Variants in RASSF3 observed in about 807,000 individuals in gnomAD.
RASSF3 encodes Ras association domain family member 3, also known as ras association domain-containing protein 3.
Under a neutral mutation model 19.9 loss-of-function variants are expected in RASSF3, and 19 were observed. The observed-to-expected ratio is 0.96, with a 90% confidence interval of 0.67 to 1.40. The LOEUF is 1.40. RASSF3 is among the 40% of genes most tolerant of loss of function. The pLI, the probability that RASSF3 is intolerant of heterozygous loss-of-function variation, is 0.00. For synonymous variants in RASSF3, 110 were observed against 104.2 expected, an observed-to-expected ratio of 1.06 and a Z score of -0.34; for missense variants, 306 against 289.8, an observed-to-expected ratio of 1.06 and a Z score of -0.41.
At chr12:64,638,604 G>A (rs1412100180) in intron 1 of RASSF3, among the ~76,000 whole-genome samples, 2 of 149,894 alleles carry the variant, frequency 1.3e-5, no homozygotes, top group African/African-American at 4.9e-5. Context: ...AAAGTAATAT[G>A]AATACCTTTT....
At chr12:64,583,646 A>G (rs967282435) in intron 2 of RASSF3, among the ~76,000 whole-genome samples, 8 of 152,136 alleles carry the variant, frequency 5.3e-5, no homozygotes, top group Non-Finnish European at 1.2e-4. Context: ...ACAAAACACC[A>G]GCGTTTCAGT....
At chr12:64,681,880 C>T (rs1480720721) in intron 1 of RASSF3, among the ~76,000 whole-genome samples, 1 of 152,152 alleles carries the variant, frequency 6.6e-6, no homozygotes, top group Admixed American at 6.6e-5. Context: ...TGGTGCTTGT[C>T]TGTAGTCCCA....
At chr12:64,615,334 C>G (rs1870516427) in intron 1 of RASSF3, among the ~76,000 whole-genome samples, 1 of 152,142 alleles carries the variant, frequency 6.6e-6, no homozygotes, top group South Asian at 2.1e-4. Flanking sequence ...GGAAATGAGA[C>G]AGTATTTTTG....
At chr12:64,527,186 A>C (rs1868606592) in intron 1 of RASSF3, among the ~76,000 whole-genome samples, 1 of 152,152 alleles carries the variant, frequency 6.6e-6, no homozygotes, top group East Asian at 1.9e-4. Context: ...CCTATCATTG[A>C]GTCCCAGTGA....
intron 1 of RASSF3, among the ~76,000 whole-genome samples, chr12:64,643,549 TA>T (rs55999011): frequency 6.8e-5 from 10 of 146,544 alleles, no homozygotes; most frequent in South Asian, 2.2e-4. Context: ...CCCCGTCTCT[TA>T]AAAAAAAAAT....
At chr12:64,557,811 G>C (rs2136124037) in intron 2 of RASSF3, among the ~76,000 whole-genome samples, 1 of 152,302 alleles carries the variant, frequency 6.6e-6, no homozygotes, top group East Asian at 1.9e-4. Context: ...GCATCCAGCT[G>C]CTTCTGGATG....
chr12:64,618,420 G>T (rs1361375049), intron 1 of RASSF3, among the ~76,000 whole-genome samples: 1 of 152,116 alleles, frequency 6.6e-6, no homozygotes, highest in Admixed American at 6.5e-5. Flanking sequence ...TCCACCTCCT[G>T]GGTTCAAGCA....
chr12:64,660,931 T>C (rs540190296), intron 1 of RASSF3, among the ~76,000 whole-genome samples: 2 of 152,300 alleles, frequency 1.3e-5, no homozygotes, highest in South Asian at 4.1e-4. Context: ...GCACACGAGC[T>C]TTCCTCCGAA....
At chr12:64,642,018 A>C (rs1273872856) in intron 1 of RASSF3, among the ~76,000 whole-genome samples, 1 of 152,070 alleles carries the variant, frequency 6.6e-6, no homozygotes, top group East Asian at 2.0e-4. Context: ...CTGAGATTAC[A>C]GGCGTGAGCC....
At chr12:64,526,842 G>C (rs1868599300) in intron 1 of RASSF3, among the ~76,000 whole-genome samples, 5 of 152,168 alleles carry the variant, frequency 3.3e-5, no homozygotes. Context: ...CACTGCACCT[G>C]GCCCTGAGTT....
At chr12:64,625,387 A>T (rs1870951267) in intron 1 of RASSF3, among the ~76,000 whole-genome samples, 1 of 152,048 alleles carries the variant, frequency 6.6e-6, no homozygotes, top group African/African-American at 2.4e-5. Context: ...ATGATTAGAC[A>T]TATGAAAGTG....
chr12:64,567,528 T>C (rs1869450692), intron 2 of RASSF3, among the ~76,000 whole-genome samples: 1 of 152,030 alleles, frequency 6.6e-6, no homozygotes. Context: ...CTCTCTCCTC[T>C]CCACTGACCG....
rs564800960 is a variant in RASSF3 at position 64,579,322 on chromosome 12, G to C, written c.294+37617G>C. Among the ~76,000 whole-genome samples the C allele has an allele frequency of 8.7e-5, 11 of 126,364 alleles. No homozygotes were observed. In the East Asian group the frequency reaches 1.9e-3, roughly 21 times the overall value. 82.9% of individuals were successfully genotyped at this position (126,364 alleles called of 152,430 possible). ...TTTAATATCTATTATTTGGGGGAAG[G>C]GAATTATTAGCAATAGCCAAGTTCT... On this transcript the variant is annotated intron_variant, in intron 2 of 5. Transcript: ENST00000637125.
intron 2 of RASSF3, among the ~76,000 whole-genome samples, chr12:64,562,042 G>C (rs1233690303): frequency 1.7e-5 from 2 of 120,104 alleles, no homozygotes; most frequent in African/African-American, 2.6e-5. Context: ...TTTTGAGACA[G>C]AGTCTTGCTC....
chr12:64,544,681 T>G (rs1869022330), downstream of RASSF3, among the ~76,000 whole-genome samples: 1 of 152,162 alleles, frequency 6.6e-6, no homozygotes, highest in African/African-American at 2.4e-5. Context: ...TCTGAGTGTC[T>G]TGTCAGTTTC....
At chr12:64,586,611 G>A (rs1869807776) in intron 2 of RASSF3, among the ~76,000 whole-genome samples, 1 of 151,390 alleles carries the variant, frequency 6.6e-6, no homozygotes. Flanking sequence ...TTTTGCAGAT[G>A]AGAAAAGTAA....
chr12:64,691,627 C>G lies in RASSF3; in HGVS notation c.567+48C>G, dbSNP rs749627474. ...TTTAAACTATACAGAACAGCTGGCC[C>G]TATTTTATTGCAGTAGCCTAGTGAC... On this transcript the variant is annotated intron_variant, in intron 4 of 4. Coordinates refer to ENST00000542104, the MANE Select transcript of RASSF3 (RefSeq NM_178169.4). 8 of 1,020,776 alleles carry G rather than the reference C, an allele frequency of 7.8e-6. No individual in the cohort carries two copies. The African/African-American group carries it at 2.1e-4, about 27-fold the overall frequency. The allele number at this position is 1,020,776 out of a possible 1,614,324, so 63.2% of individuals were successfully genotyped here. A position where few individuals can be genotyped will look rare whatever the true frequency, so the allele number is the denominator to read the frequency against.
upstream of RASSF3, among the ~76,000 whole-genome samples, chr12:64,608,469 C>T (rs1413056237): frequency 1.3e-5 from 2 of 152,110 alleles, no homozygotes; most frequent in African/African-American, 4.8e-5. Context: ...CACGCTACCA[C>T]GCCCAACTAA....
At chr12:64,601,884 G>A (rs1228276240) in intron 2 of RASSF3, among the ~76,000 whole-genome samples, 1 of 152,072 alleles carries the variant, frequency 6.6e-6, no homozygotes, top group African/African-American at 2.4e-5. Context: ...TTGGGAGGCC[G>A]AGGCGGGCAG....
Sources: allele counts gnomAD v4.1 joint callset (sites outside exome capture counted in the v4.1 genomes callset), GRCh38; gene constraint gnomAD v4.1.1; transcripts MANE v1.5; gene names NCBI Gene and HGNC (gene_info 2026-07-23, HGNC 2026-07-21).